Variants in BICD1 observed in about 807,000 individuals in gnomAD.
The protein encoded by BICD1 is protein bicaudal D homolog 1.
BICD1 carries 35 observed loss-of-function variants against 92.5 expected under a neutral mutation model. The observed-to-expected ratio is 0.38, with a 90% CI of 0.29 to 0.50. The LOEUF (loss-of-function observed/expected upper bound fraction) is 0.50, where lower values mean the gene tolerates loss of function less well. Ranked by LOEUF, BICD1 falls within the 20% of genes least tolerant of loss-of-function variation. The pLI is 0.93. For missense variants in BICD1, 950 were observed against 1,189.8 expected (o/e 0.80, Z 2.97); for synonymous variants, 429 against 465.1 (o/e 0.92, Z 1.00).
chr12:32,291,019 A>G (rs1053087575), intron 2 of BICD1, among the ~76,000 whole-genome samples: 2 of 152,190 alleles, frequency 1.3e-5, no homozygotes, highest in Non-Finnish European at 2.9e-5. Flanking sequence ...GTGTCTGCCT[A>G]TTTTATTAGC....
intron 8 of BICD1, among the ~76,000 whole-genome samples, chr12:32,346,878 A>C (rs1938651674): frequency 6.7e-6 from 1 of 150,322 alleles, no homozygotes; most frequent in Non-Finnish European, 1.5e-5. Flanking sequence ...CAGAAATCTA[A>C]ATTTGAATAA....
In BICD1 at chr12:32,340,089, G is replaced by T. The variant is rs1938306580; in HGVS notation, c.2764+1110G>T. The T allele has an allele frequency of 4.1e-6, 4 of 984,044 alleles. No individual in the cohort carries two copies. The African/African-American group carries it at 5.3e-5, about 13-fold the overall frequency. The allele number at this position is 984,044 out of a possible 1,614,324, so 61.0% of individuals were successfully genotyped here. A position where few individuals can be genotyped will look rare whatever the true frequency, so the allele number is the denominator to read the frequency against. On this transcript the variant is annotated intron_variant, in intron 8 of 9. Coordinates refer to ENST00000652176, the MANE Select transcript of BICD1 (RefSeq NM_001714.4). The stretch of plus-strand genomic sequence containing the variant: ...CTTTGAGTTTGCCACCGTTGAAATA[G>T]AATTTTTTTTTTCATTTTACCTTAA...
At chr12:32,356,279 G>A (rs1939093583) in intron 8 of BICD1, among the ~76,000 whole-genome samples, 1 of 152,186 alleles carries the variant, frequency 6.6e-6, no homozygotes, top group African/African-American at 2.4e-5. Context: ...ATCTAAAAGA[G>A]AGACAGAGAT....
intron 1 of BICD1, among the ~76,000 whole-genome samples, chr12:32,128,736 G>A (rs1942431139): frequency 6.7e-6 from 1 of 149,466 alleles, no homozygotes; most frequent in African/African-American, 2.5e-5. Flanking sequence ...TATGAGAAAT[G>A]TATTGTTACT....
At chr12:32,160,619 A>G (rs1318360084) in intron 1 of BICD1, among the ~76,000 whole-genome samples, 14 of 152,158 alleles carry the variant, frequency 9.2e-5, no homozygotes, top group African/African-American at 3.4e-4. Flanking sequence ...TTATCATCTG[A>G]TATGAAAATC....
chr12:32,116,582 C>T (rs943352693), intron 1 of BICD1, among the ~76,000 whole-genome samples: 32 of 150,870 alleles, frequency 2.1e-4, no homozygotes, highest in Non-Finnish European at 2.1e-4. Flanking sequence ...TACAGTGGTG[C>T]GATTACAGCC....
intron 1 of BICD1, among the ~76,000 whole-genome samples, chr12:32,172,664 AG>A (rs1432514998): frequency 6.6e-6 from 1 of 152,156 alleles, no homozygotes; most frequent in East Asian, 1.9e-4. Context: ...TTAGTCCTCC[AG>A]GGTTTTTATG....
intron 1 of BICD1, among the ~76,000 whole-genome samples, chr12:32,212,142 A>G (rs1391811952): frequency 6.6e-6 from 1 of 152,174 alleles, no homozygotes; most frequent in East Asian, 1.9e-4. Context: ...CTTAGGGACC[A>G]TCTTTTGATT....
At position 32,273,032 on chromosome 12, in the gene BICD1, G is replaced by A. The variant is rs183404321; in HGVS notation, c.427-20962G>A. 3.9e-5 allele frequency among the ~76,000 whole-genome samples: 6 copies of A among 152,280 alleles called. No individual in the cohort carries two copies. The East Asian group carries it at 9.6e-4, about 24-fold the overall frequency. Reference sequence around the variant, plus strand: ...ATTGCTCTGGAGTGTGTGAAGAAGAGGCCTAAGAATATTCTTAGGAAGGCA... The same window carrying A: ...ATTGCTCTGGAGTGTGTGAAGAAGAAGCCTAAGAATATTCTTAGGAAGGCA... On this transcript the variant is annotated intron_variant, in intron 2 of 9. Transcript: ENST00000652176.
chr12:32,203,428 C>A (rs1944963705), intron 1 of BICD1, among the ~76,000 whole-genome samples: 1 of 152,158 alleles, frequency 6.6e-6, no homozygotes, highest in Non-Finnish European at 1.5e-5. Context: ...ATGTGCCATA[C>A]ATATGTGTGG....
intron 1 of BICD1, among the ~76,000 whole-genome samples, chr12:32,128,784 G>A (rs1428154768): frequency 6.6e-6 from 1 of 151,258 alleles, no homozygotes; most frequent in Non-Finnish European, 1.5e-5. Flanking sequence ...TCCTTTTTTT[G>A]TTTTTTAAGA....
At chr12:32,170,860 A>G (rs1357907906) in intron 1 of BICD1, among the ~76,000 whole-genome samples, 1 of 152,184 alleles carries the variant, frequency 6.6e-6, no homozygotes, top group Non-Finnish European at 1.5e-5. Context: ...AGAACCCGAC[A>G]GTGTACAGGA....
At chr12:32,365,282 G>A (rs1276165998) in intron 8 of BICD1, among the ~76,000 whole-genome samples, 1 of 152,036 alleles carries the variant, frequency 6.6e-6, no homozygotes, top group Non-Finnish European at 1.5e-5. Flanking sequence ...CAGAGATGAT[G>A]TTACTTCTAA....
chr12:32,383,216 T>C lies in BICD1; in HGVS notation c.*5589T>C, dbSNP rs1045997388. The stretch of plus-strand genomic sequence containing the variant: ...AGTTTAATTATTATGCCTTTTGGGG[T>C]TAAATGATGTGAAGTGTTTCCACCT... On this transcript the variant is annotated 3_prime_UTR_variant, in exon 10 of 10. Coordinates refer to ENST00000652176, the MANE Select transcript of BICD1 (RefSeq NM_001714.4). The C allele has an allele frequency of 1.3e-5, 2 of 152,106 alleles. No individual in the cohort carries two copies. The highest frequency in any genetic ancestry group is 4.8e-5 in the African/African-American group (2 of 41,464). The allele number at this position is 152,106 out of a possible 1,614,324, so 9.4% of individuals were successfully genotyped here. A position where few individuals can be genotyped will look rare whatever the true frequency, so the allele number is the denominator to read the frequency against.
At chr12:32,275,000 T>C (rs1011530124) in intron 2 of BICD1, among the ~76,000 whole-genome samples, 1 of 111,972 alleles carries the variant, frequency 8.9e-6, no homozygotes, top group South Asian at 3.4e-4. Flanking sequence ...ATTGTAAACA[T>C]TGTGTAAGTG....
At chr12:32,291,075 A>G (rs534799155) in intron 2 of BICD1, among the ~76,000 whole-genome samples, 87 of 152,344 alleles carry the variant, frequency 5.7e-4, no homozygotes, top group East Asian at 1.5e-3. Context: ...CATTTTTTAC[A>G]TGAAAGATTA....
intron 2 of BICD1, among the ~76,000 whole-genome samples, chr12:32,251,964 T>A (rs918074863): frequency 1.4e-5 from 2 of 138,988 alleles, no homozygotes; most frequent in Admixed American, 8.2e-5. Flanking sequence ...TTACAAAACT[T>A]TTAAAACTTT....
chr12:32,216,043 G>C (rs148629365), intron 1 of BICD1, among the ~76,000 whole-genome samples: 29 of 148,294 alleles, frequency 2.0e-4, no homozygotes, highest in African/African-American at 7.0e-4. Flanking sequence ...TTTTTCACAA[G>C]ATATTTTAAA....
chr12:32,154,258 C>T (rs190654150), intron 1 of BICD1, among the ~76,000 whole-genome samples: 51 of 152,036 alleles, frequency 3.4e-4, no homozygotes, highest in Middle Eastern at 6.8e-3. Context: ...TTCTGGGCTC[C>T]GTAGACTCTC....
Sources: gnomAD v4.1 joint callset for allele counts (sites outside exome capture counted in the v4.1 genomes callset) on GRCh38, gnomAD v4.1.1 for gene constraint, MANE v1.5 for transcripts, NCBI Gene and HGNC (gene_info 2026-07-23, HGNC 2026-07-21) for gene names.